SCAND3: variants seen among roughly 807,000 people sequenced by gnomAD.
SCAND3 encodes SCAN domain containing 3, also known as SCAN domain-containing protein 3.
chr6:28,573,924 A>T, the SCAND3 span: 2 of 1,333,492 alleles, frequency 1.5e-6, no homozygotes, highest in African/African-American at 3.1e-5. Context: ...TGATTAAAAT[A>T]AAAAATTATT....
the SCAND3 span, among the ~76,000 whole-genome samples, chr6:28,595,872 C>T: frequency 2.0e-5 from 3 of 152,166 alleles, no homozygotes; most frequent in East Asian, 1.9e-4. Flanking sequence ...CCCACTGCCC[C>T]GCCACTGAGG....
chr6:28,580,802 A>AC, the SCAND3 span, among the ~76,000 whole-genome samples: 1 of 23,700 alleles, frequency 4.2e-5, no homozygotes, highest in Non-Finnish European at 8.4e-5. Context: ...CCACCCCCCC[A>AC]CCCCCCCAAG....
the SCAND3 span, among the ~76,000 whole-genome samples, chr6:28,600,895 G>T: frequency 7.0e-6 from 1 of 142,810 alleles, no homozygotes; most frequent in African/African-American, 2.7e-5. Context: ...CTGACAACAT[G>T]TGCCTTTTTT....
At chr6:28,587,505 T>C in the SCAND3 span, 5 of 152,182 alleles carry the variant, frequency 3.3e-5, no homozygotes, top group East Asian at 3.9e-4. Context: ...ACAGTGTGAG[T>C]AGTGCTGGAG....
the SCAND3 span, among the ~76,000 whole-genome samples, chr6:28,583,488 C>T: frequency 2.0e-5 from 3 of 152,148 alleles, no homozygotes; most frequent in Non-Finnish European, 4.4e-5. Context: ...TATATTCTTC[C>T]ACCCTTGGAT....
At chr6:28,576,363 A>G in the SCAND3 span, among the ~76,000 whole-genome samples, 4 of 152,174 alleles carry the variant, frequency 2.6e-5, no homozygotes, top group East Asian at 5.8e-4. Flanking sequence ...AGATTCAAGC[A>G]ATTCTCCTAT....
At chr6:28,607,220 C>T in the SCAND3 span, among the ~76,000 whole-genome samples, 3 of 152,202 alleles carry the variant, frequency 2.0e-5, no homozygotes, top group African/African-American at 4.8e-5. Context: ...CAATCCCCGG[C>T]ACCTCCACCA....
the SCAND3 span, among the ~76,000 whole-genome samples, chr6:28,603,337 C>G: frequency 0.059 from 8,961 of 152,220 alleles, 585 homozygotes; most frequent in African/African-American, 0.16. Flanking sequence ...TCTAGATTGG[C>G]AATTGTTTTA....
At chr6:28,589,795 C>T in the SCAND3 span, 3 of 151,700 alleles carry the variant, frequency 2.0e-5, no homozygotes, top group African/African-American at 4.8e-5. Flanking sequence ...CAACCAAGTC[C>T]TGCGTGTAAA....
chr6:28,586,383 AC>A, the SCAND3 span: 1 of 1,614,086 alleles, frequency 6.2e-7, no homozygotes, highest in Non-Finnish European at 8.5e-7. This position sits in a 1 kb window ranked among gnomAD's most constrained non-coding sequence, Gnocchi z 4.4. Flanking sequence ...ATGCTCCCGC[AC>A]CCAAGACTGG....
chr6:28,572,874 A>C, the SCAND3 span: 1 of 1,613,920 alleles, frequency 6.2e-7, no homozygotes, highest in Non-Finnish European at 8.5e-7. The surrounding 1 kb of genome is among the most constrained non-coding windows in gnomAD (Gnocchi z 4.1). Context: ...TCATGGCAAG[A>C]CTTTCTCGAT....
At chr6:28,582,342 G>C in the SCAND3 span, among the ~76,000 whole-genome samples, 2 of 151,980 alleles carry the variant, frequency 1.3e-5, no homozygotes, top group African/African-American at 2.4e-5. This position sits in a 1 kb window ranked among gnomAD's most constrained non-coding sequence, Gnocchi z 4.8. Flanking sequence ...TATGGCCCAG[G>C]GAAGCCAAAA....
chr6:28,599,499 G>A, the SCAND3 span, among the ~76,000 whole-genome samples: 1 of 152,194 alleles, frequency 6.6e-6, no homozygotes, highest in Admixed American at 6.5e-5. Context: ...TTGAAAGGGA[G>A]CTTGTGGGAG....
At chr6:28,584,705 A>T in the SCAND3 span, among the ~76,000 whole-genome samples, 1 of 152,176 alleles carries the variant, frequency 6.6e-6, no homozygotes, top group Non-Finnish European at 1.5e-5. Flanking sequence ...TGGTTTCATA[A>T]AAAGTAAAAA....
the SCAND3 span, among the ~76,000 whole-genome samples, chr6:28,601,718 G>T: frequency 6.6e-6 from 1 of 152,144 alleles, no homozygotes; most frequent in African/African-American, 2.4e-5. Flanking sequence ...TAGAGATGGG[G>T]TTTTGCCATG....
At chr6:28,603,774 T>C in the SCAND3 span, among the ~76,000 whole-genome samples, 3 of 152,200 alleles carry the variant, frequency 2.0e-5, no homozygotes, top group Non-Finnish European at 2.9e-5. Flanking sequence ...ACTCGGTGGC[T>C]TAAAACAACA....
chr6:28,597,596 G>A, the SCAND3 span: 1 of 152,182 alleles, frequency 6.6e-6, no homozygotes, highest in African/African-American at 2.4e-5. Flanking sequence ...ATGACACCTA[G>A]AGTGGTTCAG....
chr6:28,589,903 C>T, the SCAND3 span: 2 of 131,560 alleles, frequency 1.5e-5, no homozygotes, highest in African/African-American at 5.6e-5. Flanking sequence ...CGGGTTACTT[C>T]TCGCCCCTTT....
chr6:28,593,198 A>G, the SCAND3 span, among the ~76,000 whole-genome samples: 1 of 152,186 alleles, frequency 6.6e-6, no homozygotes, highest in Non-Finnish European at 1.5e-5. Context: ...AAGGAATTCA[A>G]ACAACTAAAT....
Sources: allele counts gnomAD v4.1 joint callset (sites outside exome capture counted in the v4.1 genomes callset), GRCh38; gene constraint gnomAD v4.1.1; non-coding constraint Gnocchi (gnomAD v3.1); transcripts MANE v1.5; gene names NCBI Gene and HGNC (gene_info 2026-07-23, HGNC 2026-07-21).